SH3D19: variants seen among roughly 807,000 people sequenced by gnomAD.
SH3D19 encodes the protein SH3 domain-containing protein 19.
A neutral mutation model predicts 112.1 loss-of-function variants in SH3D19; 58 were observed. The ratio of observed to expected loss-of-function variants is 0.52; its 90% confidence interval spans 0.42 to 0.64. The LOEUF is 0.64. Among genes scored for constraint, SH3D19 ranks in the 30% least tolerant of loss-of-function variants. SH3D19 has a pLI of 0.00. For synonymous variants in SH3D19, 391 were observed against 448.5 expected (o/e 0.87, Z 1.62); for missense variants, 1,090 against 1,263.4 (o/e 0.86, Z 2.08).
chr4:151,263,445 G>GAGC (rs1772529200), intron 1 of SH3D19, among the ~76,000 whole-genome samples: 1 of 152,192 alleles, frequency 6.6e-6, no homozygotes, highest in South Asian at 2.1e-4. Context: ...GCCGGAGGAG[G>GAGC]AGCCCCGGCA....
At chr4:151,226,138 AAAG>A (rs1768954475) in intron 1 of SH3D19, 52 bp from the exon 2 acceptor site, 1 of 1,229,988 alleles carries the variant, frequency 8.1e-7, no homozygotes, top group Non-Finnish European at 1.0e-6. Flanking sequence ...AAAGCTCTGG[AAAG>A]AAGTTTTTAA....
At chr4:151,260,021 T>C (rs548953784) in intron 1 of SH3D19, among the ~76,000 whole-genome samples, 2 of 152,290 alleles carry the variant, frequency 1.3e-5, no homozygotes, top group African/African-American at 4.8e-5. Flanking sequence ...AACTCATCCA[T>C]CTTTGTTTTT....
At chr4:151,207,293 C>A (rs1353975658) in intron 2 of SH3D19, among the ~76,000 whole-genome samples, 3 of 152,204 alleles carry the variant, frequency 2.0e-5, no homozygotes, top group African/African-American at 7.2e-5. Context: ...GGAGTTGTTT[C>A]CAGAGTGATT....
In SH3D19 at chr4:151,293,404, C is replaced by T. The variant is rs1580431368; in HGVS notation, c.112+31837G>A. Among the ~76,000 whole-genome samples, 4 of 148,760 alleles carry T rather than the reference C, an allele frequency of 2.7e-5. 1 individual carries two copies. Among genetic ancestry groups the T allele is most frequent in the South Asian group, 4.3e-4 (2 of 4,668 alleles). On this transcript the variant is annotated intron_variant, in intron 1 of 19. Transcript: ENST00000604030. ...AGGAGAATGGCGTGAACCTGGGAGA[C>T]GGAGCTTGCTGTGAGCCGAGATTGC...
chr4:151,182,992 C>CTTTTTT (rs757247209), intron 3 of SH3D19, among the ~76,000 whole-genome samples: 7 of 139,980 alleles, frequency 5.0e-5, no homozygotes, highest in Non-Finnish European at 7.8e-5. Context: ...CAAACTTTTT[C>CTTTTTT]TTTTTTTTTT....
chr4:151,282,076 A>AGT, intron 1 of SH3D19: 1 of 1,497,944 alleles, frequency 6.7e-7, no homozygotes, highest in Non-Finnish European at 9.2e-7. Context: ...GTAGAGACTT[A>AGT]GTGCTACATA....
intron 1 of SH3D19, among the ~76,000 whole-genome samples, chr4:151,298,650 CTGTT>C (rs1728026237): frequency 6.8e-6 from 1 of 148,098 alleles, no homozygotes; most frequent in South Asian, 2.1e-4. Flanking sequence ...AAAGCACAAT[CTGTT>C]TGAATCATGG....
At chr4:151,213,760 G>T (rs1049990378) in intron 2 of SH3D19, among the ~76,000 whole-genome samples, 1 of 151,540 alleles carries the variant, frequency 6.6e-6, no homozygotes, top group Non-Finnish European at 1.5e-5. Flanking sequence ...GCTCACTGTA[G>T]CCTCAAACTC....
At chr4:151,308,437 C>G (rs986483397) in intron 1 of SH3D19, among the ~76,000 whole-genome samples, 5 of 152,226 alleles carry the variant, frequency 3.3e-5, no homozygotes, top group African/African-American at 1.2e-4. Flanking sequence ...TAGGTCCCAT[C>G]AGACAAAAGC....
chr4:151,293,098 C>T (rs1483839812), intron 1 of SH3D19, among the ~76,000 whole-genome samples: 3 of 151,708 alleles, frequency 2.0e-5, no homozygotes, highest in South Asian at 2.1e-4. Flanking sequence ...CCAGCCTGGG[C>T]GAGAGAGCCA....
intron 2 of SH3D19, among the ~76,000 whole-genome samples, chr4:151,222,263 T>G (rs946033171): frequency 6.6e-6 from 1 of 152,222 alleles, no homozygotes; most frequent in Non-Finnish European, 1.5e-5. Flanking sequence ...TCCTTCTATT[T>G]TGAAATTTTC....
rs1313635906 is a variant in SH3D19, at chr4:151,174,922, A to G, written c.1282T>C (p.Ser428Pro). ...TAGGTGGGGTTTTCTGAGGAAACAG[A>G]TTTCTTCAGCAGCAAAGGCCGCGGG... ...PAPRPLLLKK[S>P]VSSENPTYPS... Residue 428 changes from serine (S) to proline (P), a missense_variant, in exon 7 of 20, where the codon TCT becomes CCT. Coordinates refer to ENST00000604030, the MANE Select transcript of SH3D19 (RefSeq NM_001378122.1). The G allele has an allele frequency of 6.2e-7, 1 of 1,613,542 alleles. No homozygotes were observed. Among genetic ancestry groups the G allele is most frequent in the African/African-American group, 1.3e-5 (1 of 74,888 alleles).
At chr4:151,150,958 CTTTTT>C (rs10714871) in intron 9 of SH3D19, among the ~76,000 whole-genome samples, 2 of 110,878 alleles carry the variant, frequency 1.8e-5, no homozygotes, top group Non-Finnish European at 1.8e-5. Context: ...TCACAAAATT[CTTTTT>C]TTTTTTTTTT....
At chr4:151,197,755 A>ACT (rs35702438) in intron 2 of SH3D19, among the ~76,000 whole-genome samples, 126,505 of 152,052 alleles carry the variant, frequency 0.83, 54,143 homozygotes, top group Non-Finnish European at 0.95. Context: ...AAATAAAACT[A>ACT]ATAAGGGATA....
chr4:151,144,168 G>C, intron 11 of SH3D19, 118 bp from the exon 12 acceptor site: 1 of 1,595,436 alleles, frequency 6.3e-7, no homozygotes, highest in Non-Finnish European at 8.6e-7. Context: ...TAGTAACAGA[G>C]GCCAGTAATT....
At chr4:151,279,680 G>A in intron 1 of SH3D19, 1 of 947,946 alleles carries the variant, frequency 1.1e-6, no homozygotes, top group Non-Finnish European at 1.6e-6. Flanking sequence ...GGAGTATGGT[G>A]TCTAGGGAGG....
At chr4:151,165,862 A>G in intron 7 of SH3D19, 166 bp from the exon 8 acceptor site, 1 of 587,034 alleles carries the variant, frequency 1.7e-6, no homozygotes, top group East Asian at 2.9e-5. Context: ...AGCTCATAAA[A>G]GGAAATAACT....
At chr4:151,316,981 C>A (rs549570184) in intron 1 of SH3D19, among the ~76,000 whole-genome samples, 7 of 152,360 alleles carry the variant, frequency 4.6e-5, no homozygotes, top group African/African-American at 1.7e-4. Flanking sequence ...ATGTCAAGTA[C>A]TATAAATTCC....
intron 1 of SH3D19, among the ~76,000 whole-genome samples, chr4:151,289,370 A>G (rs1775112152): frequency 6.6e-6 from 1 of 152,248 alleles, no homozygotes; most frequent in Non-Finnish European, 1.5e-5. Context: ...CAACAAAAAA[A>G]GTAGATTAGA....
Sources: allele counts gnomAD v4.1 joint callset (sites outside exome capture counted in the v4.1 genomes callset), GRCh38; gene constraint gnomAD v4.1.1; transcripts MANE v1.5; gene names NCBI Gene and HGNC (gene_info 2026-07-23, HGNC 2026-07-21).